The following SLC7A9 variants were observed in gnomAD, a reference collection of about 807,000 sequenced individuals.
SLC7A9 encodes the protein solute carrier family 7 member 9, also known as B(0,+)-type amino acid transporter 1.
In SLC7A9, 38 loss-of-function variants were observed where a neutral mutation model predicts 54.1. The observed-to-expected ratio is 0.70, with a 90% confidence interval of 0.54 to 0.92. SLC7A9 has a LOEUF of 0.92. Ranked by LOEUF, SLC7A9 falls within the 40% of genes least tolerant of loss-of-function variation. SLC7A9 has a pLI of 0.00. For synonymous variants in SLC7A9, 264 were observed against 258.9 expected, an observed-to-expected ratio of 1.02 and a Z score of -0.19; for missense variants, 537 against 636.1, an observed-to-expected ratio of 0.84 and a Z score of 1.68.
chr19:32,864,417 G>C, intron 3 of SLC7A9, 79 bp from the exon 4 acceptor site: 1 of 1,595,806 alleles, frequency 6.3e-7, no homozygotes, highest in Non-Finnish European at 8.5e-7. Flanking sequence ...TCCCACCGGA[G>C]GCTGCGCTCG....
chr19:32,852,829 G>C (rs1468025187), intron 9 of SLC7A9, among the ~76,000 whole-genome samples: 1 of 151,752 alleles, frequency 6.6e-6, no homozygotes, highest in African/African-American at 2.4e-5. Flanking sequence ...AGTGTATAGG[G>C]AATGCTAAAC....
intron 8 of SLC7A9, among the ~76,000 whole-genome samples, chr19:32,859,388 C>G (rs887090153): frequency 2.6e-5 from 4 of 152,050 alleles, no homozygotes; most frequent in African/African-American, 9.6e-5. Flanking sequence ...GGTCAGTGAC[C>G]TCAACACTTA....
chr19:32,860,069 G>C (rs868043312), intron 7 of SLC7A9, 105 bp from the exon 8 acceptor site: 1 of 1,601,344 alleles, frequency 6.2e-7, no homozygotes, highest in Middle Eastern at 1.7e-4. Flanking sequence ...GCAGGTAGCA[G>C]AGGCCCAGCA....
At chr19:32,843,771 T>C (rs1228371002) in intron 10 of SLC7A9, 84 bp downstream of exon 10, 1 of 946,928 alleles carries the variant, frequency 1.1e-6, no homozygotes, top group East Asian at 2.5e-5. Flanking sequence ...GGCATCTGGG[T>C]CATTTGGAAG....
At chr19:32,857,867 C>CATGGA (rs764734839) in intron 9 of SLC7A9, among the ~76,000 whole-genome samples, 4 of 152,162 alleles carry the variant, frequency 2.6e-5, no homozygotes, top group Admixed American at 6.6e-5. Flanking sequence ...GGAACATGAC[C>CATGGA]ATGGCTGTTC....
chr19:32,867,306 A>G (rs959933346), intron 2 of SLC7A9, among the ~76,000 whole-genome samples: 6 of 152,116 alleles, frequency 3.9e-5, no homozygotes, highest in Admixed American at 2.0e-4. Flanking sequence ...GTTCCAGACC[A>G]GCCTGGGCAA....
chr19:32,840,816 G>A (rs534660422), intron 11 of SLC7A9, among the ~76,000 whole-genome samples: 3 of 152,196 alleles, frequency 2.0e-5, no homozygotes, highest in South Asian at 2.1e-4. Context: ...CTCGTTCCAC[G>A]TGCGCCCTCT....
At chr19:32,867,729 G>A (rs1288005712) in intron 2 of SLC7A9, among the ~76,000 whole-genome samples, 1 of 151,980 alleles carries the variant, frequency 6.6e-6, no homozygotes, top group African/African-American at 2.4e-5. Flanking sequence ...CGGATCACTT[G>A]AGGCCAGGAA....
chr19:32,838,937 A>C (rs1471826713), intron 11 of SLC7A9, among the ~76,000 whole-genome samples: 1 of 151,846 alleles, frequency 6.6e-6, no homozygotes, highest in African/African-American at 2.4e-5. Context: ...TGAGCATATA[A>C]TACCCTTAGT....
intron 12 of SLC7A9, 26 bp from the exon 13 acceptor site, chr19:32,830,710 CAGTT>C (rs765507166): frequency 1.0e-4 from 165 of 1,591,396 alleles, no homozygotes; most frequent in Non-Finnish European, 1.2e-4. Flanking sequence ...AAAATGAGTA[CAGTT>C]AGTTAGACTG....
intron 7 of SLC7A9, 72 bp downstream of exon 7, chr19:32,860,534 G>T: frequency 6.2e-7 from 1 of 1,612,518 alleles, no homozygotes; most frequent in Non-Finnish European, 8.5e-7. Flanking sequence ...CAGGGAAATA[G>T]CTCCAGCCTT....
intron 10 of SLC7A9, 120 bp downstream of exon 10, chr19:32,843,735 A>C: frequency 1.4e-6 from 1 of 732,768 alleles, no homozygotes; most frequent in Non-Finnish European, 2.5e-6. Flanking sequence ...GACTCTTTCT[A>C]TATCTGTTTC....
intron 9 of SLC7A9, among the ~76,000 whole-genome samples, chr19:32,851,134 A>G (rs1334490514): frequency 6.6e-6 from 1 of 152,230 alleles, no homozygotes; most frequent in East Asian, 1.9e-4. Context: ...AATGTCTAAA[A>G]CACCAAAAGC....
chr19:32,861,135 C>G lies in SLC7A9; in HGVS notation c.705-485G>C, dbSNP rs377694777. On this transcript the variant is annotated intron_variant, in intron 6 of 12. Transcript: ENST00000023064. The stretch of plus-strand genomic sequence containing the variant: ...CTTGAAGTCAGGAGTTCAAGACTAG[C>G]CTGGCCAACATGGTAAAACCTCGTC... Among the ~76,000 whole-genome samples, 90 of 152,124 alleles carry G rather than the reference C, an allele frequency of 5.9e-4. No homozygotes were observed. In the South Asian group the frequency reaches 0.018, roughly 30 times the overall value.
chr19:32,840,882 T>C (rs1968109446), intron 11 of SLC7A9, among the ~76,000 whole-genome samples: 1 of 152,066 alleles, frequency 6.6e-6, no homozygotes, highest in Admixed American at 6.5e-5. Flanking sequence ...GAGTCTGGAG[T>C]TGGTGGTAAG....
chr19:32,833,711 C>A (rs535555104), intron 11 of SLC7A9, among the ~76,000 whole-genome samples: 1 of 151,760 alleles, frequency 6.6e-6, no homozygotes, highest in Non-Finnish European at 1.5e-5. Context: ...GCAGGAGAGT[C>A]GCTTGAACCC....
At chr19:32,846,667 G>C (rs1465881124) in intron 9 of SLC7A9, among the ~76,000 whole-genome samples, 2 of 152,236 alleles carry the variant, frequency 1.3e-5, no homozygotes, top group African/African-American at 4.8e-5. Context: ...TTTGAAGAGA[G>C]TTGTGGTTCT....
intron 9 of SLC7A9, among the ~76,000 whole-genome samples, chr19:32,852,901 T>C (rs1005357239): frequency 1.4e-5 from 2 of 143,250 alleles, no homozygotes; most frequent in African/African-American, 5.2e-5. Context: ...ACCAAAGCTA[T>C]AAACTTTTTT....
At chr19:32,837,492 CAAAAAAAA>C (rs57648590) in intron 11 of SLC7A9, among the ~76,000 whole-genome samples, 139 of 54,534 alleles carry the variant, frequency 2.5e-3, no homozygotes, top group Middle Eastern at 7.9e-3. Flanking sequence ...GATTCCATCT[CAAAAAAAA>C]AAAAAAAAAA....
Sources: allele counts gnomAD v4.1 joint callset (sites outside exome capture counted in the v4.1 genomes callset), GRCh38; gene constraint gnomAD v4.1.1; transcripts MANE v1.5; gene names NCBI Gene and HGNC (gene_info 2026-07-23, HGNC 2026-07-21).